The following OR11A1 variants were observed in gnomAD, a reference collection of about 807,000 sequenced individuals.
OR11A1 encodes the protein olfactory receptor family 11 subfamily A member 1, also known as olfactory receptor 11A1.
For missense variants in OR11A1, 380 were observed against 378.2 expected, an observed-to-expected ratio of 1.00 and a Z score of -0.04; for synonymous variants, 158 against 152.2, an observed-to-expected ratio of 1.04 and a Z score of -0.28.
chr6:29,445,275 G>C (rs1784631377), intron 1 of OR11A1, among the ~76,000 whole-genome samples: 1 of 152,212 alleles, frequency 6.6e-6, no homozygotes, highest in Non-Finnish European at 1.5e-5. Flanking sequence ...AAAGAGCTGG[G>C]ATTACAGGCG....
intron 1 of OR11A1, among the ~76,000 whole-genome samples, chr6:29,443,142 A>G (rs879831223): frequency 1.1e-4 from 16 of 152,032 alleles, no homozygotes; most frequent in Non-Finnish European, 2.1e-4. Flanking sequence ...TTGGCATATG[A>G]CAAATTGTAC....
rs761370968 is a variant in OR11A1, at chr6:29,426,724, G to C, written c.918C>G (p.Leu306=). 1 of 1,612,048 alleles carries C rather than the reference G, an allele frequency of 6.2e-7. No individual in the cohort carries two copies. Among genetic ancestry groups the C allele is most frequent in the South Asian group, 1.1e-5 (1 of 90,988 alleles). ...CAAGTGTTTCAGTTTGTTTGATACA[G>C]AGAATCTTCCGAAGTGCCTGATGCA... ...KEVHQALRKI[L]CIKQTETLD is the part of the protein sequence containing the mutation. Residue 306 remains leucine (L), a synonymous_variant, in exon 5 of 5, where the codon CTC becomes CTG. Coordinates refer to ENST00000377149, the MANE Select transcript of OR11A1 (RefSeq NM_001394828.1).
At chr6:29,441,914 CTGTT>C (rs1784229847) in intron 1 of OR11A1, among the ~76,000 whole-genome samples, 1 of 152,142 alleles carries the variant, frequency 6.6e-6, no homozygotes, top group African/African-American at 2.4e-5. Context: ...AGGACATAAT[CTGTT>C]TGTTTTTTGT....
rs998304316 is a variant in OR11A1 at position 29,453,033 on chromosome 6, T to C, written c.-389+3954A>G. On this transcript the variant is annotated intron_variant, in intron 1 of 4. Coordinates refer to ENST00000377149, the MANE Select transcript of OR11A1 (RefSeq NM_001394828.1). The surrounding 1 kb of genome is among the most constrained non-coding windows in gnomAD (Gnocchi z 4.5). Reference sequence around the variant, plus strand: ...TATTATCAGATTTTTATATTCTATGTTAAAGGTATTGTATTAAGTCAGAGT... The same window carrying C: ...TATTATCAGATTTTTATATTCTATGCTAAAGGTATTGTATTAAGTCAGAGT... Among the ~76,000 whole-genome samples, 6 of 151,514 alleles carry C rather than the reference T, an allele frequency of 4.0e-5. No homozygotes were observed. The highest frequency in any genetic ancestry group is 7.2e-5 in the African/African-American group (3 of 41,396).
intron 1 of OR11A1, among the ~76,000 whole-genome samples, chr6:29,444,779 C>T (rs1784562232): frequency 6.6e-6 from 1 of 152,138 alleles, no homozygotes; most frequent in Admixed American, 6.5e-5. Flanking sequence ...AGTCTTCCCC[C>T]ACTGTATTCT....
chr6:29,442,909 T>C (rs2151384551), intron 1 of OR11A1, among the ~76,000 whole-genome samples: 1 of 152,340 alleles, frequency 6.6e-6, no homozygotes, highest in African/African-American at 2.4e-5. Context: ...TGCTGAAATA[T>C]TTCCACTTCC....
chr6:29,440,984 GCT>G (rs1784140381), intron 1 of OR11A1: 2 of 1,409,246 alleles, frequency 1.4e-6, no homozygotes, highest in Non-Finnish European at 2.0e-6. Flanking sequence ...TCTGTGCAGT[GCT>G]CTGAGTCAGT....
intron 1 of OR11A1, chr6:29,440,184 C>A (rs17184016): frequency 6.2e-7 from 1 of 1,613,672 alleles, no homozygotes; most frequent in African/African-American, 1.3e-5. Flanking sequence ...CCTCCAGTCC[C>A]CTATGTACTT....
At chr6:29,444,343 C>T (rs7766002) in intron 1 of OR11A1, among the ~76,000 whole-genome samples, 5,890 of 152,230 alleles carry the variant, frequency 0.039, 308 homozygotes, top group African/African-American at 0.11. Context: ...AATTGCCCAG[C>T]CTTGGGTAAG....
rs922670947 is a variant in OR11A1 at position 29,428,321 on chromosome 6, A to G, written c.-91-589T>C. The G allele has an allele frequency of 5.1e-6, 5 of 985,490 alleles. No individual in the cohort carries two copies. The African/African-American group carries it at 5.2e-5, about 10-fold the overall frequency. The allele number at this position is 985,490 out of a possible 1,614,324, so 61.0% of individuals were successfully genotyped here. On this transcript the variant is annotated intron_variant, in intron 4 of 4. Transcript: ENST00000377149. ...GGTAGTGAAAATGTGGTAAATGGTA[A>G]TAGGGAAGGAAGTAGGTGCCATGGG...
At chr6:29,440,704 T>C (rs1323634835) in intron 1 of OR11A1, 2 of 1,614,056 alleles carry the variant, frequency 1.2e-6, no homozygotes, top group Non-Finnish European at 8.5e-7. Context: ...ATCCCATCTG[T>C]TGCGGGCCGC....
chr6:29,450,943 A>T (rs1785306853), intron 1 of OR11A1, among the ~76,000 whole-genome samples: 1 of 152,234 alleles, frequency 6.6e-6, no homozygotes, highest in South Asian at 2.1e-4. Flanking sequence ...TGAGGACATC[A>T]CATTATCCAA....
chr6:29,443,183 A>ATTTG (rs1784377038), intron 1 of OR11A1, among the ~76,000 whole-genome samples: 1 of 152,086 alleles, frequency 6.6e-6, no homozygotes, highest in African/African-American at 2.4e-5. Flanking sequence ...ATAAGTTTTG[A>ATTTG]CCCATGTATG....
At chr6:29,429,502 C>T (rs1783098045) in intron 3 of OR11A1, among the ~76,000 whole-genome samples, 1 of 152,094 alleles carries the variant, frequency 6.6e-6, no homozygotes, top group African/African-American at 2.4e-5. Flanking sequence ...GACAGATGGA[C>T]ATATCAACAG....
chr6:29,446,036 G>A (rs188996291), intron 1 of OR11A1, among the ~76,000 whole-genome samples: 6 of 152,272 alleles, frequency 3.9e-5, no homozygotes, highest in Admixed American at 3.3e-4. Flanking sequence ...GATCCTCTGA[G>A]AGTTGAGAAA....
At chr6:29,452,868 A>G (rs1785573881) in intron 1 of OR11A1, among the ~76,000 whole-genome samples, 1 of 152,158 alleles carries the variant, frequency 6.6e-6, no homozygotes, top group Non-Finnish European at 1.5e-5. Flanking sequence ...AAAAGTGTAT[A>G]TAAAAGTTAT....
chr6:29,444,466 C>G (rs1784520957), intron 1 of OR11A1, among the ~76,000 whole-genome samples: 1 of 152,214 alleles, frequency 6.6e-6, no homozygotes, highest in Non-Finnish European at 1.5e-5. Context: ...AAACTCTTTG[C>G]ATCATCTTTT....
At chr6:29,428,342 A>G in intron 4 of OR11A1, 1 of 985,582 alleles carries the variant, frequency 1.0e-6, no homozygotes. Flanking sequence ...AGTAGGTGCC[A>G]TGGGAGCAGA....
At chr6:29,444,458 A>G (rs1784519067) in intron 1 of OR11A1, among the ~76,000 whole-genome samples, 1 of 152,004 alleles carries the variant, frequency 6.6e-6, no homozygotes, top group Non-Finnish European at 1.5e-5. Context: ...CCTAGAGCAA[A>G]CTCTTTGCAT....
Sources: gnomAD v4.1 joint callset for allele counts (sites outside exome capture counted in the v4.1 genomes callset) on GRCh38, gnomAD v4.1.1 for gene constraint, Gnocchi (gnomAD v3.1) non-coding constraint, MANE v1.5 for transcripts, NCBI Gene and HGNC (gene_info 2026-07-23, HGNC 2026-07-21) for gene names.